Variants in NOMO1 observed in about 807,000 individuals in gnomAD.
NOMO1 encodes nodal modulator 3.
NOMO1 carries 40 observed loss-of-function variants against 133.8 expected under a neutral mutation model. The ratio of observed to expected loss-of-function variants is 0.30; its 90% confidence interval spans 0.23 to 0.39. NOMO1 has a LOEUF of 0.39. NOMO1 is among the 10% of genes least tolerant of loss of function. NOMO1 has a pLI of 1.00. For synonymous variants in NOMO1, 236 were observed against 570.5 expected (o/e 0.41, Z 8.36); for missense variants, 462 against 1,419.9 (o/e 0.33, Z 10.84).
In NOMO1 at chr16:14,876,434, TG is replaced by T. The variant is rs865815657; in HGVS notation, c.2434del (p.Glu812LysfsTer16). On this transcript the variant is annotated frameshift_variant, in exon 21 of 31. Transcript: ENST00000287667. LOFTEE classifies it high-confidence loss of function. ...LFLEGQIHPELEGVEIVISEK... is the reference protein window; with the variant it reads ...LFLEGQIHPEXEGVEIVISEK... Reference sequence around the variant, plus strand: ...TTAGAAGGCCAGATCCACCCCGAGTTGGAAGGAGTCGAGATTGTCATCAGTG... The same window carrying T: ...TTAGAAGGCCAGATCCACCCCGAGTTGAAGGAGTCGAGATTGTCATCAGTG... 1 of 1,611,142 alleles carries T rather than the reference TG, an allele frequency of 6.2e-7. No individual in the cohort carries two copies. The highest frequency in any genetic ancestry group is 1.3e-5 in the African/African-American group (1 of 74,504).
rs1410703070 is a variant in NOMO1, at chr16:14,880,898, GTC to G, written c.2886-644_2886-643del. 4.6e-5 allele frequency among the ~76,000 whole-genome samples: 7 copies of G among 150,602 alleles called. 1 individual carries two copies. Reference sequence around the variant, plus strand: ...TGTAGATAGATAGATACACATGAGTGTCTGGCAAGGCACAGTGGCTCACACCT... The same window carrying G: ...TGTAGATAGATAGATACACATGAGTGTGGCAAGGCACAGTGGCTCACACCT... On this transcript the variant is annotated intron_variant, in intron 24 of 30. Coordinates refer to ENST00000287667, the MANE Select transcript of NOMO1 (RefSeq NM_014287.4).
chr16:14,864,656 C>T lies in NOMO1; in HGVS notation c.1467C>T (p.Thr489=). ...CCCAGACATTTCCTCTTACTGTGAC[C>T]AACAGGCCCATGATGGATGTGGCCT... ...LKPQTFPLTV[T]NRPMMDVAFV... is the part of the protein sequence containing the mutation. Residue 489 remains threonine, a synonymous_variant, in exon 13 of 31, where the codon ACC becomes ACT. Transcript: ENST00000287667. 3.1e-6 allele frequency: 5 copies of T among 1,612,750 alleles called. No individual in the cohort carries two copies. Among genetic ancestry groups the T allele is most frequent in the African/African-American group, 1.3e-5 (1 of 74,230 alleles).
chr16:14,880,589 C>T (rs1457493724), intron 24 of NOMO1, among the ~76,000 whole-genome samples: 1 of 151,212 alleles, frequency 6.6e-6, no homozygotes, highest in Non-Finnish European at 1.5e-5. Flanking sequence ...ACTTTGTTGG[C>T]CAGGTTGGTC....
intron 7 of NOMO1, 78 bp downstream of exon 7, chr16:14,852,660 A>C: frequency 1.6e-6 from 1 of 628,230 alleles, no homozygotes; most frequent in Non-Finnish European, 2.9e-6. Flanking sequence ...GTACTGTTTT[A>C]AAAAATGCAG....
At chr16:14,889,247 A>G (rs1279090537) in intron 29 of NOMO1, 32 bp downstream of exon 29, 4 of 1,611,364 alleles carry the variant, frequency 2.5e-6, no homozygotes, top group Non-Finnish European at 2.5e-6. Context: ...AAAAAAACCC[A>G]TGGGCTGGGT....
In NOMO1 at chr16:14,846,563, C is replaced by A; in HGVS notation, c.403-14C>A. On this transcript the variant is annotated splice_polypyrimidine_tract_variant and intron_variant, in intron 4 of 30. Coordinates refer to ENST00000287667, the MANE Select transcript of NOMO1 (RefSeq NM_014287.4). The stretch of plus-strand genomic sequence containing the variant: ...GCTTTGCTGGGTGGGCCCTAACTTT[C>A]TTCTCCATGGCAGGTCCTCAGCAAA... The A allele has an allele frequency of 1.2e-6, 1 of 839,984 alleles. No homozygotes were observed. Among genetic ancestry groups the A allele is most frequent in the South Asian group, 1.8e-5 (1 of 56,198 alleles). The allele number at this position is 839,984 out of a possible 1,614,324, so 52.0% of individuals were successfully genotyped here. A position where few individuals can be genotyped will look rare whatever the true frequency, so the allele number is the denominator to read the frequency against.
intron 27 of NOMO1, 50 bp from the exon 28 acceptor site, chr16:14,886,711 T>C: frequency 6.2e-7 from 1 of 1,610,548 alleles, no homozygotes; most frequent in Non-Finnish European, 8.5e-7. Context: ...CTATGAAATA[T>C]TGATTGTGTT....
At chr16:14,864,490 T>C in intron 12 of NOMO1, 95 bp from the exon 13 acceptor site, 1 of 1,558,260 alleles carries the variant, frequency 6.4e-7, no homozygotes, top group Non-Finnish European at 8.7e-7. Context: ...AAAATCTCTT[T>C]AGCCTTGGTC....
chr16:14,842,651 C>A (rs1250957750), intron 3 of NOMO1, among the ~76,000 whole-genome samples: 2 of 151,998 alleles, frequency 1.3e-5, no homozygotes, highest in African/African-American at 4.8e-5. Context: ...TTCACCAGCA[C>A]CCCAGAAGTC....
At chr16:14,885,262 G>T (rs1312449507) in intron 27 of NOMO1, among the ~76,000 whole-genome samples, 1 of 152,000 alleles carries the variant, frequency 6.6e-6, no homozygotes, top group African/African-American at 2.4e-5. Flanking sequence ...TGGACGGTGG[G>T]CTGGAGAGCA....
chr16:14,877,580 C>T (rs1050624532), intron 22 of NOMO1, among the ~76,000 whole-genome samples: 8 of 151,948 alleles, frequency 5.3e-5, no homozygotes, highest in Non-Finnish European at 8.8e-5. Flanking sequence ...AAAAAGACAA[C>T]CCGCTAGAAA....
At chr16:14,873,776 G>T (rs1964112116) in intron 18 of NOMO1, among the ~76,000 whole-genome samples, 1 of 151,786 alleles carries the variant, frequency 6.6e-6, no homozygotes, top group South Asian at 2.1e-4. Context: ...CAGCTAGACA[G>T]AGCCACTCGG....
At chr16:14,850,974 C>T (rs893847838) in intron 6 of NOMO1, among the ~76,000 whole-genome samples, 1 of 148,056 alleles carries the variant, frequency 6.8e-6, no homozygotes, top group Admixed American at 6.8e-5. Context: ...ATCCCAGCTA[C>T]TCGGGAGGCT....
At chr16:14,843,741 G>GTA (rs1963639957) in intron 3 of NOMO1, among the ~76,000 whole-genome samples, 1 of 144,416 alleles carries the variant, frequency 6.9e-6, no homozygotes, top group African/African-American at 2.6e-5. Context: ...GTGTGTGTGT[G>GTA]TGCATGTACG....
At position 14,878,780 on chromosome 16, in the gene NOMO1, G is replaced by C. The variant is rs754186319; in HGVS notation, c.2703G>C (p.Leu901=). 2 of 1,611,736 alleles carry C rather than the reference G, an allele frequency of 1.2e-6. No individual in the cohort carries two copies. Among genetic ancestry groups the C allele is most frequent in the African/African-American group, 2.7e-5 (2 of 74,722 alleles). Residue 901 remains leucine, a synonymous_variant, in exon 23 of 31, where the codon CTG becomes CTC. Coordinates refer to ENST00000287667, the MANE Select transcript of NOMO1 (RefSeq NM_014287.4). The part of the protein sequence containing the change: ...PGVLLSLSGG[L]FRSNLLTQDN... ...TCCTCTTATCCCTGAGCGGTGGCCT[G>C]TTTCGTTCCAACCTCTTGACCCAGG...
intron 23 of NOMO1, among the ~76,000 whole-genome samples, chr16:14,879,283 A>T (rs1412894093): frequency 1.3e-5 from 2 of 151,748 alleles, no homozygotes; most frequent in African/African-American, 4.9e-5. Flanking sequence ...AGTGTGTGTT[A>T]GTTGGTCATC....
intron 20 of NOMO1, among the ~76,000 whole-genome samples, chr16:14,875,756 T>C (rs983822683): frequency 2.0e-5 from 3 of 151,962 alleles, no homozygotes; most frequent in Admixed American, 6.6e-5. Flanking sequence ...CACCAGAAGG[T>C]AGATGAAGCA....
chr16:14,880,453 G>A (rs1368693570), intron 24 of NOMO1, among the ~76,000 whole-genome samples: 8 of 151,824 alleles, frequency 5.3e-5, no homozygotes, highest in Admixed American at 2.0e-4. Context: ...GTACAATGGC[G>A]CAGCCTTGGC....
intron 27 of NOMO1, among the ~76,000 whole-genome samples, chr16:14,885,791 G>A (rs1964315154): frequency 6.6e-6 from 1 of 151,660 alleles, no homozygotes. Context: ...GCTCAGGGTT[G>A]GTGTCACTTC....
Sources: allele counts gnomAD v4.1 joint callset (sites outside exome capture counted in the v4.1 genomes callset), GRCh38; gene constraint gnomAD v4.1.1; transcripts MANE v1.5; gene names NCBI Gene and HGNC (gene_info 2026-07-23, HGNC 2026-07-21).